TBCK: variants seen among roughly 807,000 people sequenced by gnomAD.
TBCK encodes the protein TBC1 domain containing kinase.
In TBCK, 99 loss-of-function variants were observed where a neutral mutation model predicts 113.4. The ratio of observed to expected loss-of-function variants is 0.87; its 90% CI spans 0.74 to 1.03. The LOEUF is 1.03. Among genes scored for constraint, TBCK ranks in the 50% least tolerant of loss-of-function variants. TBCK has a pLI of 0.00. For missense variants in TBCK, 1,045 were observed against 1,061.3 expected, an observed-to-expected ratio of 0.98 and a Z score of 0.21; for synonymous variants, 369 against 370.8, an observed-to-expected ratio of 1.00 and a Z score of 0.05.
chr4:106,069,614 T>A (rs1383874449), intron 25 of TBCK, among the ~76,000 whole-genome samples: 1 of 152,190 alleles, frequency 6.6e-6, no homozygotes, highest in African/African-American at 2.4e-5. Context: ...CTTAGAATTG[T>A]CTTGACAATG....
intron 23 of TBCK, among the ~76,000 whole-genome samples, chr4:106,150,004 G>A (rs1170581068): frequency 2.6e-5 from 4 of 152,150 alleles, no homozygotes; most frequent in East Asian, 3.9e-4. Flanking sequence ...ATTTCCACAT[G>A]AATGACTTTA....
intron 2 of TBCK, among the ~76,000 whole-genome samples, chr4:106,301,206 AAACT>A (rs1254976170): frequency 4.6e-5 from 7 of 151,738 alleles, no homozygotes; most frequent in African/African-American, 1.4e-4. Context: ...TTCTCTTATG[AAACT>A]AATACAGATT....
At chr4:106,070,742 G>C (rs1305415136) in intron 25 of TBCK, among the ~76,000 whole-genome samples, 3 of 152,038 alleles carry the variant, frequency 2.0e-5, no homozygotes, top group African/African-American at 7.2e-5. Flanking sequence ...TTGTAATTCT[G>C]GTAGAATTGG....
At chr4:106,275,185 T>C (rs552449438) in intron 3 of TBCK, among the ~76,000 whole-genome samples, 56 of 152,296 alleles carry the variant, frequency 3.7e-4, no homozygotes, top group Admixed American at 2.9e-3. Context: ...AATCATATCA[T>C]AGTCTCAATA....
intron 23 of TBCK, among the ~76,000 whole-genome samples, chr4:106,166,865 A>G (rs1579102577): frequency 6.6e-6 from 1 of 151,632 alleles, no homozygotes; most frequent in Admixed American, 6.6e-5. Context: ...TTTAACATTC[A>G]TGATAAACAC....
At chr4:106,211,309 C>T (rs1183278811) in intron 20 of TBCK, among the ~76,000 whole-genome samples, 1 of 151,936 alleles carries the variant, frequency 6.6e-6, no homozygotes, top group East Asian at 1.9e-4. Context: ...TGTATTATAC[C>T]TCACATTTAT....
chr4:106,276,536 A>C (rs1331624512), intron 3 of TBCK, among the ~76,000 whole-genome samples: 1 of 152,082 alleles, frequency 6.6e-6, no homozygotes, highest in East Asian at 1.9e-4. Context: ...ACACAGTGAG[A>C]GCCTATCTCT....
intron 2 of TBCK, among the ~76,000 whole-genome samples, chr4:106,305,040 T>C (rs1225586547): frequency 6.6e-6 from 1 of 152,218 alleles, no homozygotes; most frequent in Non-Finnish European, 1.5e-5. Context: ...AATCTGTGCC[T>C]ATAGATTAAA....
chr4:106,172,426 A>G (rs1751142538), intron 22 of TBCK, among the ~76,000 whole-genome samples: 1 of 152,146 alleles, frequency 6.6e-6, no homozygotes, highest in South Asian at 2.1e-4. Context: ...TAGAAAGATC[A>G]CAGAAAGGCG....
intron 23 of TBCK, among the ~76,000 whole-genome samples, chr4:106,153,746 A>G (rs932604191): frequency 1.3e-5 from 2 of 151,958 alleles, no homozygotes; most frequent in African/African-American, 4.8e-5. Context: ...CTGAATTCAT[A>G]TATGTTTACA....
rs1166319947 is a variant in TBCK at position 106,242,686 on chromosome 4, A to C, written c.1071-117T>G. Reference sequence around the variant, plus strand: ...TCATCAAAAAAGAATTAAACTTTAGACTGGATGTTTAATAAAACAATGTTT... The same window carrying C: ...TCATCAAAAAAGAATTAAACTTTAGCCTGGATGTTTAATAAAACAATGTTT... On this transcript the variant is annotated intron_variant, in intron 11 of 25. Transcript: ENST00000394708. 1.2e-5 allele frequency: 7 copies of C among 575,464 alleles called. No homozygotes were observed. The Admixed American group carries it at 2.4e-4, about 20-fold the overall frequency. 35.6% of individuals were successfully genotyped at this position (575,464 alleles called of 1,614,324 possible).
At chr4:106,071,584 G>A (rs754156502) in intron 25 of TBCK, among the ~76,000 whole-genome samples, 1 of 152,186 alleles carries the variant, frequency 6.6e-6, no homozygotes, top group Non-Finnish European at 1.5e-5. Flanking sequence ...GTTGATTTGG[G>A]CTGAAGAGTT....
chr4:106,182,660 T>C (rs1457057368), intron 22 of TBCK: 3 of 151,888 alleles, frequency 2.0e-5, no homozygotes, highest in Admixed American at 1.3e-4. Flanking sequence ...TGTCTTATAA[T>C]GTCTTATGAC....
intron 3 of TBCK, among the ~76,000 whole-genome samples, chr4:106,271,760 A>G (rs1354582883): frequency 1.3e-5 from 2 of 151,922 alleles, no homozygotes; most frequent in African/African-American, 4.8e-5. Context: ...CCAAAAAAAA[A>G]AAAAAACAAA....
chr4:106,073,431 AAGAACAGCAAATACTGC>A (rs1023811487), intron 25 of TBCK, among the ~76,000 whole-genome samples: 10 of 152,322 alleles, frequency 6.6e-5, no homozygotes, highest in Admixed American at 2.0e-4. Context: ...GCGGAGGCTG[AAGAACAGCAAATACTGC>A]AGAACAGCAA....
intron 23 of TBCK, among the ~76,000 whole-genome samples, chr4:106,131,573 A>G (rs919539042): frequency 7.2e-5 from 11 of 152,212 alleles, no homozygotes; most frequent in African/African-American, 2.4e-4. Flanking sequence ...AGATCGCATC[A>G]CTGCACTCCA....
At chr4:106,051,397 C>T (rs1734795911) in intron 25 of TBCK, among the ~76,000 whole-genome samples, 1 of 151,918 alleles carries the variant, frequency 6.6e-6, no homozygotes, top group Non-Finnish European at 1.5e-5. Flanking sequence ...ACAGAGAAGT[C>T]TTTTATCTCT....
At chr4:106,137,824 G>T (rs1221675515) in intron 23 of TBCK, among the ~76,000 whole-genome samples, 1 of 139,982 alleles carries the variant, frequency 7.1e-6, no homozygotes, top group East Asian at 2.0e-4. Flanking sequence ...ATGCTAAAAC[G>T]TTCACAGATG....
intron 24 of TBCK, among the ~76,000 whole-genome samples, 160 bp downstream of exon 24, chr4:106,116,043 C>T (rs1319936909): frequency 6.6e-6 from 1 of 152,042 alleles, no homozygotes; most frequent in Non-Finnish European, 1.5e-5. Flanking sequence ...CTTATAAAAC[C>T]TTATGCAAGA....
Sources: gnomAD v4.1 joint callset for allele counts (sites outside exome capture counted in the v4.1 genomes callset) on GRCh38, gnomAD v4.1.1 for gene constraint, MANE v1.5 for transcripts, NCBI Gene and HGNC (gene_info 2026-07-23, HGNC 2026-07-21) for gene names.